SHC4: variants seen among roughly 807,000 people sequenced by gnomAD.
The protein encoded by SHC4 is SHC adaptor protein 4.
SHC4 carries 41 observed loss-of-function variants against 69.4 expected under a neutral mutation model. That is an observed-to-expected ratio of 0.59 (90% confidence interval 0.46 to 0.77). SHC4 has a LOEUF of 0.77. Among genes scored for constraint, SHC4 ranks in the 30% least tolerant of loss-of-function variants. SHC4 has a pLI of 0.00. For missense variants in SHC4, 777 were observed against 783.8 expected (o/e 0.99, Z 0.10); for synonymous variants, 318 against 299.3 (o/e 1.06, Z -0.64).
intron 8 of SHC4, among the ~76,000 whole-genome samples, chr15:48,852,805 G>A (rs370975113): frequency 6.6e-6 from 1 of 152,090 alleles, no homozygotes; most frequent in African/African-American, 2.4e-5. Flanking sequence ...GGAAGCCTGA[G>A]GCAGGAGAAT....
intron 6 of SHC4, among the ~76,000 whole-genome samples, chr15:48,864,541 G>C (rs367944973): frequency 6.8e-6 from 1 of 146,012 alleles, no homozygotes. Flanking sequence ...TCCGCCTCCC[G>C]GGTTCACACC....
At chr15:48,917,401 C>T (rs1305654940) in intron 2 of SHC4, among the ~76,000 whole-genome samples, 3 of 152,032 alleles carry the variant, frequency 2.0e-5, no homozygotes, top group Non-Finnish European at 4.4e-5. Context: ...GTTTAAGTAA[C>T]AATGTCATTC....
chr15:48,830,562 G>A (rs1241846575), intron 11 of SHC4, among the ~76,000 whole-genome samples: 2 of 152,142 alleles, frequency 1.3e-5, no homozygotes, highest in Non-Finnish European at 2.9e-5. Flanking sequence ...GGAAGGCATA[G>A]CTGAAGAGGA....
At position 48,962,480 on chromosome 15, in the gene SHC4, C is replaced by T. The variant is rs1901559571; in HGVS notation, c.536G>A (p.Arg179Lys). 3.2e-6 allele frequency: 5 copies of T among 1,539,018 alleles called. No individual in the cohort carries two copies. In the South Asian group the frequency reaches 6.4e-5, roughly 20 times the overall value. The change falls in exon 1 of 12, where the codon AGG (arginine) becomes AAG (lysine). Residue 179 changes from arginine (R) to lysine (K), a missense_variant. Transcript: ENST00000332408. ...GEPTLRSRQDRHFLQHLLGMG... is the reference protein window; with the variant it reads ...GEPTLRSRQDKHFLQHLLGMG... ...CCCCAACAGGTGCTGTAGAAAGTGC[C>T]TGTCCTGCCTGCTCCTAAGTGTTGG...
chr15:48,878,543 A>C (rs758716473), intron 4 of SHC4: 1 of 1,614,104 alleles, frequency 6.2e-7, no homozygotes, highest in Admixed American at 1.7e-5. Context: ...TGCCGGCTAC[A>C]GAGTATCAGC....
chr15:48,905,022 C>T (rs1487080959), intron 2 of SHC4, among the ~76,000 whole-genome samples: 3 of 151,780 alleles, frequency 2.0e-5, no homozygotes, highest in Non-Finnish European at 2.9e-5. Flanking sequence ...GGGACCTGAC[C>T]TAATTGTCCA....
At chr15:48,842,438 T>C (rs927957902) in intron 10 of SHC4, among the ~76,000 whole-genome samples, 2 of 152,194 alleles carry the variant, frequency 1.3e-5, no homozygotes, top group Non-Finnish European at 2.9e-5. Flanking sequence ...TCGAAGTAAA[T>C]TTAAAGTATT....
chr15:48,944,432 C>G (rs1901236846), intron 1 of SHC4, among the ~76,000 whole-genome samples: 1 of 152,132 alleles, frequency 6.6e-6, no homozygotes, highest in Non-Finnish European at 1.5e-5. Flanking sequence ...AGGAGGTACA[C>G]CATTTGTATT....
At chr15:48,918,060 G>C (rs1176672615) in intron 2 of SHC4, among the ~76,000 whole-genome samples, 1 of 152,180 alleles carries the variant, frequency 6.6e-6, no homozygotes, top group Non-Finnish European at 1.5e-5. Context: ...CAGTTTGTCA[G>C]CATTCACACC....
At chr15:48,949,981 T>C (rs901025041) in intron 1 of SHC4, among the ~76,000 whole-genome samples, 6 of 142,048 alleles carry the variant, frequency 4.2e-5, no homozygotes, top group South Asian at 2.1e-4. Flanking sequence ...TATGAAATAA[T>C]ATATAAAATA....
rs74633010 is a variant in SHC4 at position 48,832,009 on chromosome 15, G to A, written c.1737+2760C>T. Reference sequence around the variant, plus strand: ...GTTTTGGCCAGGAACGGTGGCTCACGCCTATAATCCCAGCACTTTGGGAGG... The same window carrying A: ...GTTTTGGCCAGGAACGGTGGCTCACACCTATAATCCCAGCACTTTGGGAGG... On this transcript the variant is annotated intron_variant, in intron 11 of 11. Transcript: ENST00000332408. 0.023 allele frequency among the ~76,000 whole-genome samples: 3,451 copies of A among 152,218 alleles called. 254 individuals carry two copies. In the East Asian group the frequency reaches 0.28, roughly 12 times the overall value.
intron 1 of SHC4, among the ~76,000 whole-genome samples, chr15:48,955,956 G>A (rs959543219): frequency 2.0e-5 from 3 of 152,162 alleles, no homozygotes; most frequent in African/African-American, 7.2e-5. Flanking sequence ...AATGAAGTGT[G>A]TGGACTCACT....
chr15:48,840,027 C>T (rs1898963620), intron 10 of SHC4, among the ~76,000 whole-genome samples: 1 of 152,202 alleles, frequency 6.6e-6, no homozygotes, highest in South Asian at 2.1e-4. Flanking sequence ...GGGTCACATC[C>T]TTTAAAGAAA....
intron 1 of SHC4, among the ~76,000 whole-genome samples, chr15:48,940,714 G>T (rs1186716608): frequency 6.6e-6 from 1 of 152,154 alleles, no homozygotes; most frequent in Non-Finnish European, 1.5e-5. Flanking sequence ...GACCATGTGG[G>T]CAAAGAACCT....
chr15:48,911,502 G>A (rs1377874872), intron 2 of SHC4, among the ~76,000 whole-genome samples: 1 of 152,140 alleles, frequency 6.6e-6, no homozygotes, highest in Non-Finnish European at 1.5e-5. Flanking sequence ...TTTGGTTGGT[G>A]AGTTCTTATC....
intron 10 of SHC4, among the ~76,000 whole-genome samples, chr15:48,835,571 A>C (rs1439947971): frequency 2.0e-5 from 3 of 152,152 alleles, no homozygotes; most frequent in Non-Finnish European, 4.4e-5. Context: ...ATTCCCACTA[A>C]AGGACTACTT....
In SHC4 at chr15:48,835,011, T is replaced by C. The variant is rs975078740; in HGVS notation, c.1495A>G (p.Thr499Ala). ...SPWHCGKAPE[T>A]VQPGATAQPA... ...TGGGCTGTGGCACCCGGCTGAACAG[T>C]TTCTGGTGCCTCTGAAGTCAGAACA... The change falls in exon 11 of 12, where the codon ACT becomes GCT. Residue 499 changes from threonine (T) to alanine (A), a missense_variant. By Grantham distance (58) the Thr-to-Ala change is moderately conservative (BLOSUM62 0). Transcript: ENST00000332408. The C allele has an allele frequency of 1.2e-6, 2 of 1,610,800 alleles. No homozygotes were observed. The highest frequency in any genetic ancestry group is 1.7e-6 in the Non-Finnish European group (2 of 1,178,558).
intron 2 of SHC4, among the ~76,000 whole-genome samples, chr15:48,895,132 G>A (rs1237854322): frequency 6.6e-6 from 1 of 151,922 alleles, no homozygotes; most frequent in Non-Finnish European, 1.5e-5. Context: ...CACTCTTTAT[G>A]GTCAGGCCCA....
chr15:48,915,598 G>A (rs555927517), intron 2 of SHC4, among the ~76,000 whole-genome samples: 93 of 152,312 alleles, frequency 6.1e-4, no homozygotes, highest in African/African-American at 2.2e-3. Context: ...GCTGAGGGGA[G>A]ATCAACTTTG....
Sources: gnomAD v4.1 joint callset for allele counts (sites outside exome capture counted in the v4.1 genomes callset) on GRCh38, gnomAD v4.1.1 for gene constraint, MANE v1.5 for transcripts, NCBI Gene and HGNC (gene_info 2026-07-23, HGNC 2026-07-21) for gene names.